The following SHB variants were observed in gnomAD, a reference collection of about 807,000 sequenced individuals.
The protein encoded by SHB is SH2 domain containing adaptor protein B.
In SHB, 20 loss-of-function variants were observed where a neutral mutation model predicts 52.3. That is an observed-to-expected ratio of 0.38 (90% CI 0.27 to 0.56). The LOEUF (loss-of-function observed/expected upper bound fraction) is 0.56. SHB is among the 20% of genes least tolerant of loss of function. The pLI is 0.71. For synonymous variants in SHB, 397 were observed against 316.5 expected (o/e 1.25, Z -2.70); for missense variants, 825 against 723.3 (o/e 1.14, Z -1.61).
intron 2 of SHB, among the ~76,000 whole-genome samples, chr9:37,997,829 G>T (rs538986466): frequency 1.3e-5 from 2 of 152,334 alleles, no homozygotes; most frequent in East Asian, 3.9e-4. Flanking sequence ...GCTGTCCAGG[G>T]CGACAGCAGC....
At chr9:37,987,164 G>A (rs1028100554) in intron 2 of SHB, among the ~76,000 whole-genome samples, 18 of 152,216 alleles carry the variant, frequency 1.2e-4, no homozygotes, top group African/African-American at 3.9e-4. Flanking sequence ...CCGCCTGACT[G>A]CTGCCAAGTC....
chr9:37,971,938 A>C (rs1462818594), intron 3 of SHB, among the ~76,000 whole-genome samples: 1 of 152,234 alleles, frequency 6.6e-6, no homozygotes, highest in Non-Finnish European at 1.5e-5. Context: ...TTCACAGATC[A>C]CCTGGGATCT....
chr9:38,067,527 A>G (rs932386003), intron 1 of SHB, among the ~76,000 whole-genome samples: 1 of 151,998 alleles, frequency 6.6e-6, no homozygotes, highest in Non-Finnish European at 1.5e-5. Flanking sequence ...CTTGCTCTGG[A>G]CCTCAGTTTC....
At chr9:37,986,203 G>A (rs1488751879) in intron 2 of SHB, among the ~76,000 whole-genome samples, 3 of 152,192 alleles carry the variant, frequency 2.0e-5, no homozygotes, top group Non-Finnish European at 2.9e-5. Context: ...CACAAACAGC[G>A]AGGAGTGGGC....
intron 1 of SHB, among the ~76,000 whole-genome samples, chr9:38,056,031 G>A (rs773598120): frequency 2.4e-4 from 36 of 152,270 alleles, no homozygotes; most frequent in African/African-American, 6.7e-4. Flanking sequence ...TGTAATAAGC[G>A]CATGGGTATC....
At chr9:38,036,855 A>G (rs1313083815) in intron 1 of SHB, among the ~76,000 whole-genome samples, 1 of 152,226 alleles carries the variant, frequency 6.6e-6, no homozygotes, top group East Asian at 1.9e-4. Context: ...TTACAGATGA[A>G]AAAAACCAAG....
chr9:37,925,339 G>C (rs1832235687), intron 5 of SHB, among the ~76,000 whole-genome samples: 1 of 152,250 alleles, frequency 6.6e-6, no homozygotes, highest in Admixed American at 6.5e-5. Context: ...AACAGTCCCA[G>C]GACGAGCCAG....
chr9:37,920,275 A>AAAAACAAAACAAAACAAAACAAAAC (rs60630259), intron 5 of SHB, among the ~76,000 whole-genome samples: 10 of 145,262 alleles, frequency 6.9e-5, no homozygotes, highest in African/African-American at 2.0e-4. Flanking sequence ...ACTTCTTCAG[A>AAAAACAAAACAAAACAAAACAAAAC]AAAACAAAAC....
At chr9:37,969,659 C>G (rs959162812) in intron 3 of SHB, among the ~76,000 whole-genome samples, 1 of 152,194 alleles carries the variant, frequency 6.6e-6, no homozygotes, top group African/African-American at 2.4e-5. Flanking sequence ...GGCTATCCAC[C>G]CCGGCTCCTT....
chr9:38,028,691 G>C (rs2118108450), intron 1 of SHB, among the ~76,000 whole-genome samples: 2 of 152,348 alleles, frequency 1.3e-5, no homozygotes, highest in African/African-American at 4.8e-5. Context: ...AGAAGTTAAG[G>C]AGTCTATTTA....
At chr9:37,975,826 G>C (rs1027757218) in intron 2 of SHB, among the ~76,000 whole-genome samples, 3 of 152,152 alleles carry the variant, frequency 2.0e-5, no homozygotes, top group Non-Finnish European at 4.4e-5. Context: ...GCGGCAAAGG[G>C]GGCTCAGTGT....
At chr9:37,992,922 G>A (rs901333262) in intron 2 of SHB, among the ~76,000 whole-genome samples, 8 of 152,068 alleles carry the variant, frequency 5.3e-5, no homozygotes, top group Middle Eastern at 3.4e-3. Flanking sequence ...AGGCCCTCTA[G>A]GAGCCTGATA....
At chr9:37,927,938 TTCTCTTTCTC>T (rs1008760163) in intron 5 of SHB, among the ~76,000 whole-genome samples, 8 of 148,788 alleles carry the variant, frequency 5.4e-5, no homozygotes, top group Non-Finnish European at 4.5e-5. Flanking sequence ...CTTCCTCTCT[TTCTCTTTCTC>T]TCTTTTTTTT....
At chr9:37,948,526 G>T in intron 5 of SHB, 109 bp downstream of exon 5, 3 of 1,350,256 alleles carry the variant, frequency 2.2e-6, no homozygotes, top group South Asian at 1.2e-5. Context: ...AACGTGTGCT[G>T]GCAAGTTTCC....
In SHB at chr9:37,955,963, C is replaced by A. The variant is rs1476100975; in HGVS notation, c.1146G>T (p.Lys382Asn). ...RQLRAPGGGF[K>N]PIKHGSPEFC... ...ACTCAGGGCTCCCATGTTTGATAGG[C>A]TTAAAGCCCCCTCCAGGGGCACGAA... is the stretch of plus-strand genomic sequence containing the variant. The change falls in exon 4 of 6, where the codon AAG becomes AAT. Residue 382 changes from lysine (K) to asparagine (N), a missense_variant. By Grantham distance (94) the Lys-to-Asn change is moderately conservative. Transcript: ENST00000377707. 2 of 1,611,262 alleles carry A rather than the reference C, an allele frequency of 1.2e-6. No homozygotes were observed. The highest frequency in any genetic ancestry group is 1.7e-5 in the Admixed American group (1 of 59,520).
intron 3 of SHB, among the ~76,000 whole-genome samples, chr9:37,956,525 G>A (rs764794286): frequency 9.2e-5 from 14 of 152,204 alleles, no homozygotes; most frequent in Admixed American, 2.6e-4. Context: ...CCTATAGAGT[G>A]CCACTTAGGG....
At chr9:38,039,854 G>C (rs979517743) in intron 1 of SHB, among the ~76,000 whole-genome samples, 1 of 152,250 alleles carries the variant, frequency 6.6e-6, no homozygotes, top group Non-Finnish European at 1.5e-5. Context: ...AGCTCGAGGG[G>C]CGAGGGGAGA....
At chr9:37,940,139 C>T (rs1354797024) in intron 5 of SHB, among the ~76,000 whole-genome samples, 1 of 152,198 alleles carries the variant, frequency 6.6e-6, no homozygotes, top group African/African-American at 2.4e-5. Context: ...TGGGCATAGG[C>T]CCAGGGCTGT....
intron 1 of SHB, among the ~76,000 whole-genome samples, chr9:38,028,905 T>C (rs1821378694): frequency 6.6e-6 from 1 of 151,624 alleles, no homozygotes; most frequent in South Asian, 2.1e-4. Context: ...TTCCACGGGG[T>C]GGTAGGGTGA....
Sources: gnomAD v4.1 joint callset for allele counts (sites outside exome capture counted in the v4.1 genomes callset) on GRCh38, gnomAD v4.1.1 for gene constraint, MANE v1.5 for transcripts, NCBI Gene and HGNC (gene_info 2026-07-23, HGNC 2026-07-21) for gene names.